The following HIP1 variants were observed in gnomAD, a reference collection of about 807,000 sequenced individuals.
HIP1 encodes huntingtin-interacting protein 1.
In HIP1, 65 loss-of-function variants were observed where a neutral mutation model predicts 147.6. The ratio of observed to expected loss-of-function variants is 0.44; its 90% CI spans 0.36 to 0.54. HIP1 has a LOEUF of 0.54. Among genes scored for constraint, HIP1 ranks in the 20% least tolerant of loss-of-function variants. The probability of loss-of-function intolerance (pLI) is 0.00; values close to 1 mark genes in which losing one functional copy is unlikely to be tolerated. For missense variants in HIP1, 1,061 were observed against 1,299.6 expected (o/e 0.82, Z 2.82); for synonymous variants, 479 against 504.0 (o/e 0.95, Z 0.67).
intron 7 of HIP1, among the ~76,000 whole-genome samples, chr7:75,578,459 T>G (rs1440676144): frequency 1.3e-5 from 2 of 152,160 alleles, no homozygotes; most frequent in Non-Finnish European, 2.9e-5. Flanking sequence ...GCACATCACT[T>G]GAGCTCAGGA....
intron 1 of HIP1, among the ~76,000 whole-genome samples, chr7:75,633,130 A>G (rs1437841886): frequency 2.0e-5 from 3 of 152,044 alleles, no homozygotes; most frequent in African/African-American, 7.2e-5. Context: ...AGACCTGCAC[A>G]TGTACCCCTG....
chr7:75,616,042 C>A (rs1423663689), intron 1 of HIP1, among the ~76,000 whole-genome samples: 1 of 121,864 alleles, frequency 8.2e-6, no homozygotes, highest in Non-Finnish European at 1.6e-5. Flanking sequence ...GCTGAGATCA[C>A]ACCACTGCAC....
chr7:75,570,175 G>T (rs899334693), intron 8 of HIP1, among the ~76,000 whole-genome samples: 1 of 151,764 alleles, frequency 6.6e-6, no homozygotes, highest in African/African-American at 2.4e-5. Flanking sequence ...CTCGTGATCC[G>T]CCTGCCTTGA....
At chr7:75,629,281 G>C (rs1798136226) in intron 1 of HIP1, among the ~76,000 whole-genome samples, 1 of 152,090 alleles carries the variant, frequency 6.6e-6, no homozygotes, top group African/African-American at 2.4e-5. Flanking sequence ...TTGTCAAGTG[G>C]AGGCAGCCCC....
intron 1 of HIP1, among the ~76,000 whole-genome samples, chr7:75,723,085 A>T (rs1801547214): frequency 6.6e-6 from 1 of 152,136 alleles, no homozygotes; most frequent in Non-Finnish European, 1.5e-5. Flanking sequence ...GTTGTAACAA[A>T]TTACTGCAGG....
At chr7:75,682,434 T>A (rs566295415) in intron 1 of HIP1, among the ~76,000 whole-genome samples, 121 of 151,810 alleles carry the variant, frequency 8.0e-4, no homozygotes, top group Non-Finnish European at 1.5e-3. Flanking sequence ...CTAGTTTTTT[T>A]TTTTTTCTAA....
At chr7:75,629,241 C>T (rs1250152770) in intron 1 of HIP1, among the ~76,000 whole-genome samples, 3 of 152,156 alleles carry the variant, frequency 2.0e-5, no homozygotes, top group Non-Finnish European at 4.4e-5. Flanking sequence ...AGCGTAAACC[C>T]GTTGGCCAGA....
intron 9 of HIP1, among the ~76,000 whole-genome samples, chr7:75,565,408 C>A (rs1024150562): frequency 6.6e-6 from 1 of 152,232 alleles, no homozygotes; most frequent in Non-Finnish European, 1.5e-5. Context: ...ATTTGACATT[C>A]CAGGAAATCA....
chr7:75,558,088 G>A (rs587652809), intron 15 of HIP1, 79 bp downstream of exon 15: 42 of 1,172,006 alleles, frequency 3.6e-5, no homozygotes, highest in African/African-American at 1.8e-4. Context: ...TGCTGGCCCC[G>A]GGGAAGCCAC....
intron 1 of HIP1, among the ~76,000 whole-genome samples, chr7:75,682,974 G>A (rs74220879): frequency 0.095 from 14,397 of 151,488 alleles, 742 homozygotes; most frequent in East Asian, 0.14. Context: ...AGAGGTATTC[G>A]TCATTCACTT....
chr7:75,592,838 A>G (rs1416068848), intron 2 of HIP1, among the ~76,000 whole-genome samples: 2 of 152,160 alleles, frequency 1.3e-5, no homozygotes, highest in African/African-American at 4.8e-5. Flanking sequence ...ATTTCCCGAG[A>G]TGTAAGCGTC....
intron 1 of HIP1, among the ~76,000 whole-genome samples, chr7:75,716,215 A>T (rs1434171312): frequency 6.6e-6 from 1 of 151,828 alleles, no homozygotes; most frequent in African/African-American, 2.4e-5. Flanking sequence ...TCACCAATCT[A>T]CGATTCCTGA....
intron 4 of HIP1, 95 bp downstream of exon 4, chr7:75,591,961 G>T: frequency 1.0e-6 from 1 of 984,308 alleles, no homozygotes; most frequent in Non-Finnish European, 1.6e-6. Context: ...ACAAGCTGAA[G>T]GAGATGAATT....
intron 1 of HIP1, among the ~76,000 whole-genome samples, chr7:75,607,713 AAAAT>A (rs1271886973): frequency 6.6e-6 from 1 of 151,618 alleles, no homozygotes; most frequent in Non-Finnish European, 1.5e-5. Flanking sequence ...CCCTATCTCT[AAAAT>A]AAATAAATAA....
intron 1 of HIP1, among the ~76,000 whole-genome samples, chr7:75,602,981 GA>G (rs1797063908): frequency 6.6e-6 from 1 of 151,950 alleles, no homozygotes; most frequent in African/African-American, 2.4e-5. Flanking sequence ...TGCATGAAAT[GA>G]GACAGAGATG....
Position 75,669,205 on chromosome 7 carries a change from A to G in HIP1, c.120+69596T>C, listed in dbSNP as rs78829608. On this transcript the variant is annotated intron_variant, in intron 1 of 30. Coordinates refer to ENST00000336926, the MANE Select transcript of HIP1 (RefSeq NM_005338.7). The stretch of plus-strand genomic sequence containing the variant: ...ATGGTGAAACCCTGTCTATACTAAA[A>G]AAAAAAAAATACAAAAAATTAGGCT... Among the ~76,000 whole-genome samples the G allele has an allele frequency of 3.0e-3, 88 of 29,406 alleles. 1 individual carries two copies. The highest frequency in any genetic ancestry group is 0.012 in the Admixed American group (33 of 2,686). The allele number at this position is 29,406 out of a possible 152,430, so 19.3% of individuals were successfully genotyped here.
At chr7:75,565,086 C>G (rs936242388) in intron 9 of HIP1, among the ~76,000 whole-genome samples, 2 of 152,132 alleles carry the variant, frequency 1.3e-5, no homozygotes, top group Admixed American at 1.3e-4. Context: ...AATCCTTTGG[C>G]CTGCAACAAT....
intron 22 of HIP1, among the ~76,000 whole-genome samples, chr7:75,551,104 T>C (rs1794764746): frequency 6.6e-6 from 1 of 151,392 alleles, no homozygotes; most frequent in South Asian, 2.1e-4. Context: ...TGTAGAAGAA[T>C]ATATACAGTA....
chr7:75,689,148 G>A (rs977256471), intron 1 of HIP1, among the ~76,000 whole-genome samples: 7 of 152,210 alleles, frequency 4.6e-5, no homozygotes, highest in Non-Finnish European at 7.4e-5. Flanking sequence ...CCAAGAGTTG[G>A]AGACCAGCCT....
Sources: gnomAD v4.1 joint callset for allele counts (sites outside exome capture counted in the v4.1 genomes callset) on GRCh38, gnomAD v4.1.1 for gene constraint, MANE v1.5 for transcripts, NCBI Gene and HGNC (gene_info 2026-07-23, HGNC 2026-07-21) for gene names.